Variants in SYNE1 observed in about 807,000 individuals in gnomAD.
SYNE1 encodes nesprin-1.
SYNE1 carries 616 observed loss-of-function variants against 1,111.0 expected under a neutral mutation model. The ratio of observed to expected loss-of-function variants is 0.55; its 90% CI spans 0.52 to 0.59. SYNE1 has a LOEUF of 0.59. Among genes scored for constraint, SYNE1 ranks in the 20% least tolerant of loss-of-function variants. SYNE1 has a pLI of 0.00. For missense variants in SYNE1, 10,006 were observed against 10,417.0 expected, an observed-to-expected ratio of 0.96 and a Z score of 1.72; for synonymous variants, 3,855 against 3,825.8, an observed-to-expected ratio of 1.01 and a Z score of -0.28.
Position 152,419,623 on chromosome 6 carries a change from T to C in SYNE1, c.5367A>G (p.Gln1789=), listed in dbSNP as rs1439464341. The C allele has an allele frequency of 6.2e-7, 1 of 1,613,816 alleles. No homozygotes were observed. Among genetic ancestry groups the C allele is most frequent in the Non-Finnish European group, 8.5e-7 (1 of 1,179,942 alleles). ...VWIKLFLSEL[Q]TTSEISIMDH... ...CCATTATGCTAATCTCAGAGGTAGT[T>C]TGTAATTCACTGAGAAACAGTTTAA... is the stretch of plus-strand genomic sequence containing the variant. The change falls in exon 40 of 146, where the codon CAA becomes CAG. Residue 1789 remains glutamine, a synonymous_variant. Coordinates refer to ENST00000367255, the MANE Select transcript of SYNE1 (RefSeq NM_182961.4).
At chr6:152,247,879 C>T (rs1239635422) in intron 105 of SYNE1, among the ~76,000 whole-genome samples, 2 of 151,412 alleles carry the variant, frequency 1.3e-5, no homozygotes, top group Non-Finnish European at 2.9e-5. Flanking sequence ...CACACACACA[C>T]ACACACACAC....
chr6:152,281,328 C>A (rs977081756), intron 97 of SYNE1, among the ~76,000 whole-genome samples: 1 of 152,206 alleles, frequency 6.6e-6, no homozygotes, highest in Non-Finnish European at 1.5e-5. Context: ...AAAACACATT[C>A]TCTGCTCCAA....
intron 122 of SYNE1, 92 bp from the exon 123 acceptor site, chr6:152,213,851 C>G: frequency 1.3e-6 from 2 of 1,552,164 alleles, no homozygotes; most frequent in Non-Finnish European, 8.8e-7. Context: ...TCTCTGTGCT[C>G]AATTCTAATT....
chr6:152,142,175 C>T (rs2058667984), intron 138 of SYNE1, among the ~76,000 whole-genome samples: 1 of 152,174 alleles, frequency 6.6e-6, no homozygotes. Context: ...ATATACTTTG[C>T]ATACATGATT....
rs1487400210 is a variant in SYNE1, at chr6:152,536,197, C to A, written c.129+3763G>T. Among the ~76,000 whole-genome samples the A allele has an allele frequency of 4.0e-5, 6 of 150,968 alleles. No homozygotes were observed. The Admixed American group carries it at 4.0e-4, about 10-fold the overall frequency. On this transcript the variant is annotated intron_variant, in intron 4 of 145. Transcript: ENST00000367255. ...CGCCTTGTTCCTTCAGAATCCCATT[C>A]ATTGCCTTCTTTTTCAGCCTCTCCC... is the stretch of plus-strand genomic sequence containing the variant.
At position 152,502,745 on chromosome 6, in the gene SYNE1, G is replaced by GA. The variant is rs567435072; in HGVS notation, c.779-4dup. On this transcript the variant is annotated splice_polypyrimidine_tract_variant and splice_region_variant and intron_variant, in intron 9 of 145. Coordinates refer to ENST00000367255, the MANE Select transcript of SYNE1 (RefSeq NM_182961.4). ...ATCTGGTTTATCCACATCAACGTCTGAAAAAACAAAAAAGAAATGTGAATA... is the reference window on the plus strand; with the variant it reads ...ATCTGGTTTATCCACATCAACGTCTGAAAAAAACAAAAAAGAAATGTGAATA... 191 of 1,597,538 alleles carry GA rather than the reference G, an allele frequency of 1.2e-4. No homozygotes were observed. The African/African-American group carries it at 2.2e-3, about 18-fold the overall frequency.
chr6:152,627,779 C>G (rs1037704063), intron 3 of SYNE1, among the ~76,000 whole-genome samples: 1 of 152,130 alleles, frequency 6.6e-6, no homozygotes, highest in African/African-American at 2.4e-5. Context: ...ATCGTTTCAT[C>G]TCTTTGGGCC....
chr6:152,187,753 T>C (rs1370189044), intron 128 of SYNE1, among the ~76,000 whole-genome samples: 1 of 152,028 alleles, frequency 6.6e-6, no homozygotes, highest in Non-Finnish European at 1.5e-5. Context: ...GAGATGGAGT[T>C]ACGCTCTTGT....
intron 3 of SYNE1, among the ~76,000 whole-genome samples, chr6:152,609,687 C>G (rs2099625820): frequency 6.6e-6 from 1 of 152,170 alleles, no homozygotes; most frequent in African/African-American, 2.4e-5. Context: ...TCCCTGACCC[C>G]CATGTAGCCT....
intron 3 of SYNE1, among the ~76,000 whole-genome samples, chr6:152,541,670 C>T (rs2099270687): frequency 6.8e-6 from 1 of 147,494 alleles, no homozygotes; most frequent in South Asian, 2.1e-4. Flanking sequence ...ATGGTGTGAA[C>T]CTGTGAGGCA....
chr6:152,332,884 T>G (rs918362167), intron 77 of SYNE1, among the ~76,000 whole-genome samples: 1 of 152,202 alleles, frequency 6.6e-6, no homozygotes, highest in African/African-American at 2.4e-5. Flanking sequence ...GGAGGCAGTA[T>G]GAGGAGTTCT....
At chr6:152,364,451 A>AT in intron 63 of SYNE1, among the ~76,000 whole-genome samples, 1 of 78,020 alleles carries the variant, frequency 1.3e-5, no homozygotes, top group African/African-American at 5.8e-5. Context: ...TACATTATGA[A>AT]TCTTTTTTTT....
chr6:152,154,966 C>T lies in SYNE1; in HGVS notation c.24055G>A (p.Glu8019Lys), dbSNP rs2061115177. 1 of 1,614,218 alleles carries T rather than the reference C, an allele frequency of 6.2e-7. No homozygotes were observed. Residue 8019 changes from glutamate to lysine, a missense_variant, in exon 133 of 146, where the codon GAA becomes AAA. Glu to Lys is a moderately conservative substitution (Grantham distance 56). Around this residue, in one of 7 missense-constraint regions of SYNE1, gnomAD observed 2,182 missense variants for 2,287.8 expected, o/e 0.95. Transcript: ENST00000367255. ...SRFEDWLKSS[E>K]RTAAFPSSSG... Reference sequence around the variant, plus strand: ...GAGCTGGGAAAAGCAGCTGTCCTTTCTGAAGACTTCAGCCAATCTTCAAAA... The same window carrying T: ...GAGCTGGGAAAAGCAGCTGTCCTTTTTGAAGACTTCAGCCAATCTTCAAAA...
intron 137 of SYNE1, chr6:152,145,400 G>T: frequency 7.6e-7 from 1 of 1,310,328 alleles, no homozygotes; most frequent in Non-Finnish European, 1.1e-6. Flanking sequence ...GAGCCACAAA[G>T]CTGGGAGAGA....
intron 128 of SYNE1, among the ~76,000 whole-genome samples, chr6:152,181,372 A>C (rs2763011): frequency 0.084 from 12,826 of 152,128 alleles, 1,230 homozygotes; most frequent in African/African-American, 0.24. Flanking sequence ...AGATTGTGTC[A>C]CTGTGTTCCA....
chr6:152,487,182 T>C (rs1024507097), intron 12 of SYNE1, among the ~76,000 whole-genome samples: 3 of 152,232 alleles, frequency 2.0e-5, no homozygotes, highest in Non-Finnish European at 2.9e-5. Context: ...ATCCATTAGC[T>C]ATTCTTCCTG....
At position 152,242,297 on chromosome 6, in the gene SYNE1, G is replaced by C. The variant is rs2085912518; in HGVS notation, c.19836C>G (p.Asp6612Glu). The change falls in exon 107 of 146, where the codon GAC (aspartate) becomes GAG (glutamate). Residue 6612 changes from aspartate (D) to glutamate (E), a missense_variant. Transcript: ENST00000367255. ...LETGQEKMAG[D>E]QKIIVSSKEE... ...CTTTGGAAGACACGATGATTTTCTG[G>C]TCTCCTGCCATCTTCTCCTGACCAG... The C allele has an allele frequency of 6.2e-7, 1 of 1,613,900 alleles. No individual in the cohort carries two copies. The highest frequency in any genetic ancestry group is 1.3e-5 in the African/African-American group (1 of 74,934).
In SYNE1 at chr6:152,139,656, A is replaced by C. The variant is rs907005425; in HGVS notation, c.25458+294T>G. Among the ~76,000 whole-genome samples the C allele has an allele frequency of 2.0e-5, 3 of 149,664 alleles. No individual in the cohort carries two copies. The East Asian group carries it at 5.8e-4, about 29-fold the overall frequency. ...GAAAGAAGGAGAAAGAAAGAAAAAA[A>C]AGAAGGAAGGAAGGAATGAGAGAGA... On this transcript the variant is annotated intron_variant, in intron 140 of 145. Coordinates refer to ENST00000367255, the MANE Select transcript of SYNE1 (RefSeq NM_182961.4).
intron 3 of SYNE1, among the ~76,000 whole-genome samples, chr6:152,584,488 G>A (rs2099530923): frequency 6.6e-6 from 1 of 152,028 alleles, no homozygotes; most frequent in South Asian, 2.1e-4. Flanking sequence ...CTGTCACCCA[G>A]GCTGGACTGC....
Sources: allele counts gnomAD v4.1 joint callset (sites outside exome capture counted in the v4.1 genomes callset), GRCh38; gene constraint gnomAD v4.1.1; regional missense constraint gnomAD v4.1.1; transcripts MANE v1.5; gene names NCBI Gene and HGNC (gene_info 2026-07-23, HGNC 2026-07-21).